The following OR8B8 variants were observed in gnomAD, a reference collection of about 807,000 sequenced individuals.
OR8B8 encodes the protein olfactory receptor 8B8.
Under a neutral mutation model 10.5 loss-of-function variants are expected in OR8B8, and 8 were observed. The observed-to-expected ratio is 0.76, with a 90% confidence interval of 0.45 to 1.38. The LOEUF (loss-of-function observed/expected upper bound fraction) is 1.38, where lower values mean the gene tolerates loss of function less well. Among genes scored for constraint, OR8B8 ranks in the 40% most tolerant of loss-of-function variants. The pLI is 0.00. For synonymous variants in OR8B8, 150 were observed against 145.2 expected (o/e 1.03, Z -0.24); for missense variants, 390 against 380.5 (o/e 1.03, Z -0.21).
In OR8B8 at chr11:124,441,042, G is replaced by T; in HGVS notation, c.44C>A (p.Ala15Glu). ...GACTCCCGGTTGGTCAGTTAAGCCT[G>T]CGAGGATAAACTGTGTCACGAAGGA... is the stretch of plus-strand genomic sequence containing the variant. Reference protein sequence around the residue: ...NSSFVTQFILAGLTDQPGVQI... With the variant: ...NSSFVTQFILEGLTDQPGVQI... The change falls in exon 3 of 3, where the codon GCA becomes GAA. Residue 15 changes from alanine to glutamate, a missense_variant. Transcript: ENST00000642064. 1 of 1,613,212 alleles carries T rather than the reference G, an allele frequency of 6.2e-7. No homozygotes were observed. Among genetic ancestry groups the T allele is most frequent in the Non-Finnish European group, 8.5e-7 (1 of 1,179,978 alleles).
At chr11:124,444,935 GC>G (rs1396815860) in intron 1 of OR8B8, among the ~76,000 whole-genome samples, 8 of 152,110 alleles carry the variant, frequency 5.3e-5, no homozygotes, top group Admixed American at 2.0e-4. Context: ...AAACTTTAAG[GC>G]CTGTCTCTCC....
chr11:124,442,847 T>C (rs181892879), intron 1 of OR8B8, among the ~76,000 whole-genome samples: 52 of 152,350 alleles, frequency 3.4e-4, no homozygotes, highest in African/African-American at 1.2e-3. Flanking sequence ...TGGAGCCCCA[T>C]AAATTTGAAT....
chr11:124,440,674 G>T lies in OR8B8; in HGVS notation c.412C>A (p.Pro138Thr), dbSNP rs993453496. ...AACAAAAGGAGAAAACACACCTGGG[G>T]AGACATGGTGACCATGTACAACAGT... ...NPLLYMVTMS[P>T]QVCFLLLLGV... The change falls in exon 3 of 3, where the codon CCC becomes ACC. Residue 138 changes from proline to threonine, a missense_variant. Pro to Thr is a conservative substitution (Grantham distance 38). Coordinates refer to ENST00000642064, the MANE Select transcript of OR8B8 (RefSeq NM_012378.2). The T allele has an allele frequency of 6.2e-7, 1 of 1,614,144 alleles. No individual in the cohort carries two copies.
In OR8B8 at chr11:124,441,094, A is replaced by G; in HGVS notation, c.-9T>C. 6.2e-7 allele frequency: 1 copy of G among 1,604,692 alleles called. No homozygotes were observed. The highest frequency in any genetic ancestry group is 8.5e-7 in the Non-Finnish European group (1 of 1,177,150). On this transcript the variant is annotated 5_prime_UTR_variant, in exon 3 of 3. An upstream open reading frame in the 5' UTR loses its in-frame stop. Coordinates refer to ENST00000642064, the MANE Select transcript of OR8B8 (RefSeq NM_012378.2). ...GAATTCTCAGCAGCCATTGTCATTT[A>G]AGGCATTCTGTGGGGACAAGGGAAA... is the stretch of plus-strand genomic sequence containing the variant.
chr11:124,440,963 C>A lies in OR8B8; in HGVS notation c.123G>T (p.Gly41=), dbSNP rs866729866. 4 of 1,614,014 alleles carry A rather than the reference C, an allele frequency of 2.5e-6. No individual in the cohort carries two copies. In the East Asian group the frequency reaches 6.7e-5, roughly 27 times the overall value. The change falls in exon 3 of 3, where the codon GGG becomes GGT. Residue 41 remains glycine (G), a synonymous_variant. Transcript: ENST00000642064. ...TTATCAGGGTTATCAAGCCCAGGTT[C>A]CCCACCACAGTGACCACGTAGAAGC... The part of the protein sequence containing the change: ...FLGFYVVTVV[G]NLGLITLIRL...
At chr11:124,441,416 C>T (rs1861474953) in intron 2 of OR8B8, 72 bp downstream of exon 2, 1 of 316,364 alleles carries the variant, frequency 3.2e-6, no homozygotes, top group Non-Finnish European at 6.0e-6. Context: ...CCCGCCTGTG[C>T]CTGGAGAGTT....
intron 1 of OR8B8, among the ~76,000 whole-genome samples, chr11:124,444,380 A>G (rs1217072201): frequency 3.9e-5 from 6 of 152,188 alleles, no homozygotes; most frequent in East Asian, 1.9e-4. Context: ...AGCATGACCT[A>G]TCAAAACACC....
At position 124,437,841 on chromosome 11, in the gene OR8B8, G is replaced by A. The variant is rs1254056404; in HGVS notation, c.*2309C>T. On this transcript the variant is annotated 3_prime_UTR_variant, in exon 3 of 3. Transcript: ENST00000642064. The stretch of plus-strand genomic sequence containing the variant: ...CCGTCATTTCAAAATCTGATTCTGA[G>A]GGGACACAAGTGTTCAGCCTATAGC... The A allele has an allele frequency of 6.6e-6, 1 of 151,970 alleles. No homozygotes were observed. The highest frequency in any genetic ancestry group is 1.5e-5 in the Non-Finnish European group (1 of 68,022). 9.4% of individuals were successfully genotyped at this position (151,970 alleles called of 1,614,324 possible). A position where few individuals can be genotyped will look rare whatever the true frequency, so the allele number is the denominator to read the frequency against.
At position 124,438,034 on chromosome 11, in the gene OR8B8, A is replaced by T. The variant is rs1331808745; in HGVS notation, c.*2116T>A. On this transcript the variant is annotated 3_prime_UTR_variant, in exon 3 of 3. Transcript: ENST00000642064. Reference sequence around the variant, plus strand: ...TAGTGCAAGTGCTGATATTAAAAGGAAAAGGATCTGGCAGGGACAGAAACA... The same window carrying T: ...TAGTGCAAGTGCTGATATTAAAAGGTAAAGGATCTGGCAGGGACAGAAACA... 6.6e-6 allele frequency: 1 copy of T among 152,236 alleles called. No individual in the cohort carries two copies. Among genetic ancestry groups the T allele is most frequent in the Non-Finnish European group, 1.5e-5 (1 of 68,042 alleles). The allele number at this position is 152,236 out of a possible 1,614,324, so 9.4% of individuals were successfully genotyped here. A position where few individuals can be genotyped will look rare whatever the true frequency, so the allele number is the denominator to read the frequency against.
rs563514613 is a variant in OR8B8 at position 124,443,446 on chromosome 11, T to C, written c.-152-1823A>G. ...TATTGGGCTACTGGGTGTTGATGACTTGATGCCATGTTCCCCCCAAATGCT... is the reference window on the plus strand; with the variant it reads ...TATTGGGCTACTGGGTGTTGATGACCTGATGCCATGTTCCCCCCAAATGCT... On this transcript the variant is annotated intron_variant, in intron 1 of 2. Transcript: ENST00000642064. Among the ~76,000 whole-genome samples, 100 of 152,288 alleles carry C rather than the reference T, an allele frequency of 6.6e-4. 2 individuals carry two copies. Among genetic ancestry groups the C allele is most frequent in the Admixed American group, 1.2e-3 (19 of 15,290 alleles).
At chr11:124,445,374 T>C (rs765904708) in intron 1 of OR8B8, among the ~76,000 whole-genome samples, 9 of 152,030 alleles carry the variant, frequency 5.9e-5, no homozygotes, top group Non-Finnish European at 1.0e-4. Flanking sequence ...CAAACAGCAC[T>C]CAGTTAATGA....
rs1465246309 is a variant in OR8B8 at position 124,438,948 on chromosome 11, T to G, written c.*1202A>C. On this transcript the variant is annotated 3_prime_UTR_variant, in exon 3 of 3. Coordinates refer to ENST00000642064, the MANE Select transcript of OR8B8 (RefSeq NM_012378.2). ...GATGTTGCCATTGGTCTAACCCAAC[T>G]GAAACCAGAGGGCAAGGGGACCAGT... The G allele has an allele frequency of 6.6e-6, 1 of 152,264 alleles. No individual in the cohort carries two copies. The highest frequency in any genetic ancestry group is 1.5e-5 in the Non-Finnish European group (1 of 68,048). The allele number at this position is 152,264 out of a possible 1,614,324, so 9.4% of individuals were successfully genotyped here.
intron 1 of OR8B8, among the ~76,000 whole-genome samples, chr11:124,445,272 A>G (rs1861516430): frequency 1.3e-5 from 2 of 152,180 alleles, no homozygotes; most frequent in South Asian, 2.1e-4. Flanking sequence ...CTTGCTGGGG[A>G]CAATCCACAT....
rs577647201 is a variant in OR8B8 at position 124,438,462 on chromosome 11, T to C, written c.*1688A>G. 1 of 152,356 alleles carries C rather than the reference T, an allele frequency of 6.6e-6. No homozygotes were observed. Among genetic ancestry groups the C allele is most frequent in the South Asian group, 2.1e-4 (1 of 4,828 alleles). 9.4% of individuals were successfully genotyped at this position (152,356 alleles called of 1,614,324 possible). On this transcript the variant is annotated 3_prime_UTR_variant, in exon 3 of 3. Transcript: ENST00000642064. ...TAAGTCAACACATTTTCACAGCATTTCACATATCATTGTTTCACAAAGAAA... is the reference window on the plus strand; with the variant it reads ...TAAGTCAACACATTTTCACAGCATTCCACATATCATTGTTTCACAAAGAAA...
chr11:124,443,633 T>G (rs1861498478), intron 1 of OR8B8, among the ~76,000 whole-genome samples: 1 of 152,194 alleles, frequency 6.6e-6, no homozygotes, highest in South Asian at 2.1e-4. Flanking sequence ...CTTCTAGCTG[T>G]GTTGTTCTCT....
Position 124,445,594 on chromosome 11 carries a change from G to A in OR8B8, c.-171C>T, listed in dbSNP as rs1861520050. 1 of 152,122 alleles carries A rather than the reference G, an allele frequency of 6.6e-6. No homozygotes were observed. The highest frequency in any genetic ancestry group is 6.5e-5 in the Admixed American group (1 of 15,272). 9.4% of individuals were successfully genotyped at this position (152,122 alleles called of 1,614,324 possible). ...AACATACCTCAGAGCTTGCTCCTCT[G>A]CCACATGTGGAATGTATTTTAGTCA... On this transcript the variant is annotated 5_prime_UTR_variant, in exon 1 of 3. It introduces an in-frame stop codon into an upstream open reading frame of the 5' UTR. Transcript: ENST00000642064.
In OR8B8 at chr11:124,438,803, T is replaced by G. The variant is rs1367377379; in HGVS notation, c.*1347A>C. On this transcript the variant is annotated 3_prime_UTR_variant, in exon 3 of 3. Coordinates refer to ENST00000642064, the MANE Select transcript of OR8B8 (RefSeq NM_012378.2). The stretch of plus-strand genomic sequence containing the variant: ...CATGAAGAGACGAGGGAGGGGGCAG[T>G]TATTATAACCCAGTAAGAAATGAGG... 1 of 152,170 alleles carries G rather than the reference T, an allele frequency of 6.6e-6. No homozygotes were observed. Among genetic ancestry groups the G allele is most frequent in the Non-Finnish European group, 1.5e-5 (1 of 68,048 alleles). The allele number at this position is 152,170 out of a possible 1,614,324, so 9.4% of individuals were successfully genotyped here. A position where few individuals can be genotyped will look rare whatever the true frequency, so the allele number is the denominator to read the frequency against.
At position 124,438,198 on chromosome 11, in the gene OR8B8, T is replaced by C. The variant is rs1338778079; in HGVS notation, c.*1952A>G. On this transcript the variant is annotated 3_prime_UTR_variant, in exon 3 of 3. Transcript: ENST00000642064. ...AGGAGAAGCTCAGGTTCAAATTTGA[T>C]TCTACCATCCAACTCTCTGGGCTCT... 6.6e-6 allele frequency: 1 copy of C among 152,214 alleles called. No homozygotes were observed. The highest frequency in any genetic ancestry group is 1.5e-5 in the Non-Finnish European group (1 of 68,042). 9.4% of individuals were successfully genotyped at this position (152,214 alleles called of 1,614,324 possible).
Position 124,440,721 on chromosome 11 carries a change from C to T in OR8B8, c.365G>A (p.Arg122His), listed in dbSNP as rs144609364. 23 of 1,613,990 alleles carry T rather than the reference C, an allele frequency of 1.4e-5. No homozygotes were observed. In the African/African-American group the frequency reaches 2.4e-4, roughly 17 times the overall value. Reference protein sequence around the residue: ...SFILSAMAYDRYVAICNPLLY... With the variant: ...SFILSAMAYDHYVAICNPLLY... ...CAGTGGGTTACAGATGGCCACATAG[C>T]GGTCATACGCCATTGCTGACAGGAT... Residue 122 changes from arginine to histidine, a missense_variant, in exon 3 of 3, where the codon CGC (arginine) becomes CAC (histidine). By Grantham distance (29) the Arg-to-His change is conservative. Coordinates refer to ENST00000642064, the MANE Select transcript of OR8B8 (RefSeq NM_012378.2).
Sources: gnomAD v4.1 joint callset for allele counts (sites outside exome capture counted in the v4.1 genomes callset) on GRCh38, gnomAD v4.1.1 for gene constraint, MANE v1.5 for transcripts, NCBI Gene and HGNC (gene_info 2026-07-23, HGNC 2026-07-21) for gene names.